Variants in WNK3 observed in about 807,000 individuals in gnomAD.
The protein encoded by WNK3 is serine/threonine-protein kinase WNK3.
WNK3 carries 18 observed loss-of-function variants against 116.7 expected under a neutral mutation model. That is an observed-to-expected ratio of 0.15 (90% confidence interval 0.11 to 0.23). WNK3 has a LOEUF of 0.23. Ranked by LOEUF, WNK3 falls within the 10% of genes least tolerant of loss-of-function variation. The pLI is 1.00. For synonymous variants in WNK3, 404 were observed against 469.4 expected (o/e 0.86, Z 1.80); for missense variants, 993 against 1,323.8 (o/e 0.75, Z 3.88).
chrX:54,226,844 C>T (rs189946254), intron 22 of WNK3, among the ~76,000 whole-genome samples: 17 of 111,546 alleles, frequency 1.5e-4, no homozygotes, highest in Middle Eastern at 4.7e-3. Context: ...TATCTCAAAA[C>T]GAAACAAAAC....
chrX:54,211,286 A>G (rs868914473), intron 22 of WNK3, among the ~76,000 whole-genome samples: 4 of 109,500 alleles, frequency 3.7e-5, no homozygotes, highest in Non-Finnish European at 3.8e-5. Context: ...TACTAAAAAT[A>G]GAAAAATTAG....
chrX:54,236,855 T>C, intron 20 of WNK3, 83 bp downstream of exon 20: 1 of 1,037,556 alleles, frequency 9.6e-7, no homozygotes. Context: ...ATGTCACCAA[T>C]CCTAAATTAG....
At position 54,221,801 on chromosome X, in the gene WNK3, T is replaced by G. The variant is rs7057323; in HGVS notation, c.4870+6913A>C. Among the ~76,000 whole-genome samples, 524 of 109,689 alleles carry G rather than the reference T, an allele frequency of 4.8e-3. 2 individuals are homozygous for G. The highest frequency in any genetic ancestry group is 0.016 in the African/African-American group (491 of 30,104). On this transcript the variant is annotated intron_variant, in intron 22 of 23. Coordinates refer to ENST00000354646, the Ensembl canonical transcript of WNK3. ...GTGAGCTGAGATCACGCCACTCAAC[T>G]CCAGCCTGGGCAACAGAGCAAGACC...
At chrX:54,278,926 G>C (rs929591588) in intron 10 of WNK3, among the ~76,000 whole-genome samples, 38 of 111,019 alleles carry the variant, frequency 3.4e-4, no homozygotes, top group Non-Finnish European at 6.6e-4. Flanking sequence ...AAATTAGCTG[G>C]GGGTGGTGGC....
intron 22 of WNK3, among the ~76,000 whole-genome samples, chrX:54,222,694 T>C (rs1557146784): frequency 9.2e-6 from 1 of 108,142 alleles, no homozygotes; most frequent in Non-Finnish European, 1.9e-5. Flanking sequence ...CTGGCCGATG[T>C]GGCAAAACCT....
At chrX:54,232,849 G>A in exon 21 of WNK3, 2 of 1,211,525 alleles carry the variant, frequency 1.7e-6, no homozygotes, top group Non-Finnish European at 2.2e-6. Context: ...TCAAGGACTG[G>A]GGGCGGCTTC....
intron 5 of WNK3, among the ~76,000 whole-genome samples, chrX:54,303,214 A>G (rs7878681): frequency 0.017 from 1,870 of 109,863 alleles, 38 homozygotes; most frequent in African/African-American, 0.059. Flanking sequence ...TATTATTTTT[A>G]TCCTTAAACA....
At chrX:54,278,522 T>A (rs2068476409) in intron 10 of WNK3, among the ~76,000 whole-genome samples, 1 of 110,573 alleles carries the variant, frequency 9.0e-6, no homozygotes, top group Admixed American at 9.7e-5. Flanking sequence ...AGTATGTAAT[T>A]AACAGAGAGT....
chrX:54,313,824 T>C (rs2068916290), intron 2 of WNK3, among the ~76,000 whole-genome samples: 2 of 111,911 alleles, frequency 1.8e-5, no homozygotes, highest in Non-Finnish European at 3.8e-5. Flanking sequence ...TCGTAAACTA[T>C]GAAGTATATA....
chrX:54,221,619 G>C (rs2067761917), intron 22 of WNK3, among the ~76,000 whole-genome samples: 1 of 111,155 alleles, frequency 9.0e-6, no homozygotes, highest in African/African-American at 3.3e-5. Flanking sequence ...GATCACCTGA[G>C]GTTAGGAGTT....
chrX:54,303,780 T>A (rs1373752235), intron 5 of WNK3, among the ~76,000 whole-genome samples: 3 of 111,250 alleles, frequency 2.7e-5, no homozygotes, highest in African/African-American at 6.5e-5. Flanking sequence ...ATTTAAAAAA[T>A]TTTTAAAAAT....
At chrX:54,330,542 G>A (rs185222530) in intron 2 of WNK3, among the ~76,000 whole-genome samples, 6 of 111,426 alleles carry the variant, frequency 5.4e-5, no homozygotes, top group East Asian at 2.8e-4. Flanking sequence ...AGATGACGGC[G>A]TGAGATTATG....
At chrX:54,220,858 T>TA (rs2067753956) in intron 22 of WNK3, among the ~76,000 whole-genome samples, 1 of 111,221 alleles carries the variant, frequency 9.0e-6, no homozygotes, top group African/African-American at 3.3e-5. Context: ...TGTATATAAT[T>TA]AAAGAAATTT....
rs1569539176 is a variant in WNK3 at position 54,333,635 on chromosome X, A to C, written c.39T>G (p.Asp13Glu). 9 of 1,202,824 alleles carry C rather than the reference A, an allele frequency of 7.5e-6. No homozygotes were observed. The highest frequency in any genetic ancestry group is 8.9e-6 in the Non-Finnish European group (8 of 895,312). The change falls in exon 2 of 24, where the codon GAT becomes GAG. Residue 13 changes from aspartate to glutamate, a missense_variant. By Grantham distance (45) the Asp-to-Glu change is conservative. Transcript: ENST00000354646. ...ATGAAATTCCATCAGGTTTCTCAGA[A>C]TCTTCTGTGCTGGCTGGATCCCCTG... is the stretch of plus-strand genomic sequence containing the variant.
At chrX:54,204,889 G>A (rs1000269196) in intron 22 of WNK3, among the ~76,000 whole-genome samples, 4 of 112,364 alleles carry the variant, frequency 3.6e-5, no homozygotes, top group African/African-American at 1.3e-4. Flanking sequence ...AGCATTTGTT[G>A]CAGAGAGGTT....
At chrX:54,334,430 T>C (rs2069208616) in intron 1 of WNK3, among the ~76,000 whole-genome samples, 1 of 111,761 alleles carries the variant, frequency 8.9e-6, no homozygotes, top group African/African-American at 3.2e-5. Flanking sequence ...TGAATTTGCT[T>C]ATTCTAGGTA....
intron 22 of WNK3, among the ~76,000 whole-genome samples, chrX:54,214,029 G>T (rs954394438): frequency 1.7e-4 from 19 of 110,696 alleles, no homozygotes; most frequent in East Asian, 8.5e-4. Context: ...CAGGCTGGAG[G>T]GCAGTGGCAC....
At chrX:54,305,481 A>C (rs782112289) in intron 5 of WNK3, among the ~76,000 whole-genome samples, 60 of 111,490 alleles carry the variant, frequency 5.4e-4, no homozygotes, top group Non-Finnish European at 1.0e-3. Flanking sequence ...ACTACTCTTA[A>C]GTCTCTTGTA....
chrX:54,235,502 G>T (rs915012149), intron 20 of WNK3, among the ~76,000 whole-genome samples: 2 of 111,001 alleles, frequency 1.8e-5, no homozygotes, highest in Non-Finnish European at 3.8e-5. Context: ...GGCCAGGGTG[G>T]TCTCAAACTC....
Sources: allele counts gnomAD v4.1 joint callset (sites outside exome capture counted in the v4.1 genomes callset), GRCh38; gene constraint gnomAD v4.1.1; transcripts MANE v1.5; gene names NCBI Gene and HGNC (gene_info 2026-07-23, HGNC 2026-07-21).